The following SYNE1 variants were observed in gnomAD, a reference collection of about 807,000 sequenced individuals.
The protein encoded by SYNE1 is spectrin repeat containing nuclear envelope protein 1.
SYNE1 carries 616 observed loss-of-function variants against 1,111.0 expected under a neutral mutation model. The ratio of observed to expected loss-of-function variants is 0.55; its 90% CI spans 0.52 to 0.59. The LOEUF is 0.59. SYNE1 is among the 20% of genes least tolerant of loss of function. The probability of loss-of-function intolerance (pLI) is 0.00; values close to 1 mark genes in which losing one functional copy is unlikely to be tolerated. For missense variants in SYNE1, 10,006 were observed against 10,417.0 expected, an observed-to-expected ratio of 0.96 and a Z score of 1.72; for synonymous variants, 3,855 against 3,825.8, an observed-to-expected ratio of 1.01 and a Z score of -0.28.
Position 152,321,289 on chromosome 6 carries a change from T to A in SYNE1, c.16185A>T (p.Glu5395Asp). ...CCACTTCAGCCAACTGAAGGGAGAG[T>A]TCAGAAGGTAATATGGTATAAAGAC... ...YLGLYTILPS[E>D]LSLQLAEVAL... The change falls in exon 84 of 146, where the codon GAA (glutamate) becomes GAT (aspartate). Residue 5395 changes from glutamate to aspartate, a missense_variant. Glu to Asp is a conservative substitution (Grantham distance 45). This residue lies in a region of SYNE1 where 4,955 missense variants were observed against 5,017.2 expected (regional missense o/e 0.99). Transcript: ENST00000367255. 1 of 1,613,840 alleles carries A rather than the reference T, an allele frequency of 6.2e-7. No individual in the cohort carries two copies. Among genetic ancestry groups the A allele is most frequent in the Non-Finnish European group, 8.5e-7 (1 of 1,179,896 alleles).
intron 140 of SYNE1, among the ~76,000 whole-genome samples, chr6:152,137,739 T>A (rs969147318): frequency 1.3e-5 from 2 of 152,214 alleles, no homozygotes; most frequent in Admixed American, 1.3e-4. Context: ...CAATCTGTCT[T>A]GATTTTGCAC....
chr6:152,521,131 A>C (rs1281424854), intron 5 of SYNE1, among the ~76,000 whole-genome samples: 1 of 152,190 alleles, frequency 6.6e-6, no homozygotes, highest in African/African-American at 2.4e-5. Flanking sequence ...TTTTATATGA[A>C]GAGCATCACT....
intron 18 of SYNE1, chr6:152,465,014 AC>A (rs2154269383): frequency 1.9e-6 from 1 of 533,768 alleles, no homozygotes; most frequent in Admixed American, 3.1e-5. Context: ...TCATAGACAG[AC>A]TTCAGGGTAA....
At chr6:152,443,414 A>G (rs555186463) in intron 30 of SYNE1, among the ~76,000 whole-genome samples, 28 of 152,100 alleles carry the variant, frequency 1.8e-4, no homozygotes, top group South Asian at 4.2e-4. Flanking sequence ...ACAGGCGCCC[A>G]CCACCACGCT....
chr6:152,550,534 C>T (rs983184341), intron 3 of SYNE1, among the ~76,000 whole-genome samples: 14 of 150,224 alleles, frequency 9.3e-5, no homozygotes, highest in Middle Eastern at 6.8e-3. Flanking sequence ...TTTCATCTCA[C>T]GAAGAATTTG....
At chr6:152,585,018 A>G (rs1193995255) in intron 3 of SYNE1, among the ~76,000 whole-genome samples, 1 of 152,160 alleles carries the variant, frequency 6.6e-6, no homozygotes, top group Non-Finnish European at 1.5e-5. Context: ...CCTACGTGTC[A>G]TGAGAGGGAC....
chr6:152,138,301 A>G (rs1562943350), intron 140 of SYNE1, among the ~76,000 whole-genome samples: 1 of 152,100 alleles, frequency 6.6e-6, no homozygotes, highest in Non-Finnish European at 1.5e-5. Flanking sequence ...ACTTGAGGTC[A>G]GGAATTCGAG....
intron 131 of SYNE1, among the ~76,000 whole-genome samples, chr6:152,160,543 C>A (rs1049303537): frequency 6.6e-6 from 1 of 152,114 alleles, no homozygotes; most frequent in Non-Finnish European, 1.5e-5. Context: ...TGCTTTAGTG[C>A]GTGTAGCATA....
intron 52 of SYNE1, 141 bp downstream of exon 52, chr6:152,391,135 CT>C: frequency 5.0e-6 from 6 of 1,199,120 alleles, no homozygotes; most frequent in East Asian, 2.4e-5. Context: ...CCTCTGTATC[CT>C]TTTTTGCCCA....
intron 5 of SYNE1, 21 bp downstream of exon 5, chr6:152,526,059 A>T (rs867449721): frequency 6.2e-7 from 1 of 1,607,912 alleles, no homozygotes. Flanking sequence ...GACAAGTATG[A>T]TCACACAAAA....
intron 53 of SYNE1, among the ~76,000 whole-genome samples, chr6:152,388,282 G>T (rs1462118396): frequency 2.0e-5 from 3 of 149,574 alleles, no homozygotes; most frequent in African/African-American, 7.4e-5. Context: ...GTCTTACTCT[G>T]TCACCAAGGC....
chr6:152,512,529 A>T (rs2099090248), intron 6 of SYNE1, among the ~76,000 whole-genome samples: 1 of 152,180 alleles, frequency 6.6e-6, no homozygotes, highest in African/African-American at 2.4e-5. Context: ...AATATCCATA[A>T]GATTAATGAA....
intron 61 of SYNE1, chr6:152,368,645 T>C: frequency 3.8e-6 from 1 of 264,512 alleles, no homozygotes; most frequent in South Asian, 5.7e-5. Context: ...AAATCATGTT[T>C]ATGATTTGAG....
chr6:152,486,770 T>A (rs1377586884), intron 12 of SYNE1, among the ~76,000 whole-genome samples: 3 of 152,218 alleles, frequency 2.0e-5, no homozygotes, highest in Non-Finnish European at 4.4e-5. Context: ...ATAATATTGA[T>A]GCTATCATCC....
At position 152,401,120 on chromosome 6, in the gene SYNE1, T is replaced by C. The variant is rs549907699; in HGVS notation, c.7029+18A>G. 64 of 1,611,642 alleles carry C rather than the reference T, an allele frequency of 4.0e-5. 1 individual carries two copies. The South Asian group carries it at 6.0e-4, about 15-fold the overall frequency. ...TCACCATTTGAATGGAAGCACTTAATGATAGTTTATTACCTACCTTGACTT... is the reference window on the plus strand; with the variant it reads ...TCACCATTTGAATGGAAGCACTTAACGATAGTTTATTACCTACCTTGACTT... On this transcript the variant is annotated intron_variant, in intron 47 of 145. Coordinates refer to ENST00000367255, the MANE Select transcript of SYNE1 (RefSeq NM_182961.4).
At chr6:152,150,930 G>C (rs2060294513) in intron 135 of SYNE1, among the ~76,000 whole-genome samples, 1 of 152,074 alleles carries the variant, frequency 6.6e-6, no homozygotes, top group Non-Finnish European at 1.5e-5. Context: ...ACAACAACAA[G>C]GCCAGGAAGG....
At chr6:152,452,508 A>C (rs188500398) in intron 25 of SYNE1, among the ~76,000 whole-genome samples, 1 of 152,224 alleles carries the variant, frequency 6.6e-6, no homozygotes. Flanking sequence ...TCTTGTGCAC[A>C]GGGATAATTA....
In SYNE1 at chr6:152,239,691, G is replaced by A. The variant is rs747981868; in HGVS notation, c.19909C>T (p.Leu6637=). 2 of 1,614,140 alleles carry A rather than the reference G, an allele frequency of 1.2e-6. No individual in the cohort carries two copies. The highest frequency in any genetic ancestry group is 2.2e-5 in the East Asian group (1 of 44,886). Residue 6637 remains leucine, a synonymous_variant, in exon 108 of 146, where the codon CTG becomes TTG. Coordinates refer to ENST00000367255, the MANE Select transcript of SYNE1 (RefSeq NM_182961.4). ...TCAGTCAAGATCATATGAGATTCCA[G>A]GCCCTGAAAGTATTCCTGCAATTTT... ...LDKHKEYFQG[L]ESHMILTETL... is the part of the protein sequence containing the mutation.
intron 51 of SYNE1, among the ~76,000 whole-genome samples, chr6:152,392,698 A>G (rs1420127735): frequency 6.6e-6 from 1 of 152,160 alleles, no homozygotes; most frequent in African/African-American, 2.4e-5. Context: ...TATAAAATAA[A>G]ATAAAATAAA....
Sources: allele counts gnomAD v4.1 joint callset (sites outside exome capture counted in the v4.1 genomes callset), GRCh38; gene constraint gnomAD v4.1.1; regional missense constraint gnomAD v4.1.1; transcripts MANE v1.5; gene names NCBI Gene and HGNC (gene_info 2026-07-23, HGNC 2026-07-21).